The following RPN2 variants were observed in gnomAD, a reference collection of about 807,000 sequenced individuals.
RPN2 encodes the protein ribophorin II, also known as dolichyl-diphosphooligosaccharide--protein glycosyltransferase subunit 2.
In RPN2, 29 loss-of-function variants were observed where a neutral mutation model predicts 71.4. That is an observed-to-expected ratio of 0.41 (90% CI 0.30 to 0.55). The LOEUF is 0.55. Ranked by LOEUF, RPN2 falls within the 20% of genes least tolerant of loss-of-function variation. The pLI is 0.35. For missense variants in RPN2, 726 were observed against 774.1 expected (o/e 0.94, Z 0.74); for synonymous variants, 308 against 305.0 (o/e 1.01, Z -0.10).
chr20:37,198,585 A>G (rs2067308516), intron 3 of RPN2, 93 bp downstream of exon 3: 4 of 1,577,870 alleles, frequency 2.5e-6, no homozygotes, highest in South Asian at 1.1e-5. Context: ...TTTTTTAATT[A>G]TGAGAGTCCA....
At position 37,236,720 on chromosome 20, in the gene RPN2, A is replaced by C; in HGVS notation, c.1883+11A>C. 1 of 1,613,880 alleles carries C rather than the reference A, an allele frequency of 6.2e-7. No individual in the cohort carries two copies. Among genetic ancestry groups the C allele is most frequent in the Non-Finnish European group, 8.5e-7 (1 of 1,179,778 alleles). On this transcript the variant is annotated intron_variant, in intron 16 of 16. Transcript: ENST00000237530. ...GCAGGCAGTCAAGAGGTAAGGCCAG[A>C]CATGAGCCAGGGATCTAGAGTAGGG...
intron 14 of RPN2, 24 bp downstream of exon 14, chr20:37,232,415 G>A (rs772699979): frequency 1.1e-5 from 18 of 1,613,384 alleles, no homozygotes; most frequent in Admixed American, 1.7e-5. Flanking sequence ...ATTAGCGTGG[G>A]CAGCATGCGT....
Position 37,184,210 on chromosome 20 carries a change from C to T in RPN2, c.44C>T (p.Thr15Ile), listed in dbSNP as rs1250796822. Residue 15 changes from threonine to isoleucine, a missense_variant, in exon 2 of 17, where the codon ACA becomes ATA. Transcript: ENST00000237530. ...AGCACTGTCTTCCTGTTGGCCCTGA[C>T]AATCATAGCCAGCACCTGGGCTCTG... ...GSSTVFLLAL[T>I]IIASTWALTP... is the part of the protein sequence containing the mutation. The T allele has an allele frequency of 2.5e-6, 4 of 1,614,200 alleles. 1 individual carries two copies. The highest frequency in any genetic ancestry group is 2.2e-5 in the South Asian group (2 of 91,088).
intron 4 of RPN2, among the ~76,000 whole-genome samples, chr20:37,202,121 C>T (rs1442291253): frequency 2.0e-5 from 3 of 152,232 alleles, no homozygotes; most frequent in Admixed American, 1.3e-4. Flanking sequence ...CAGCACGGCA[C>T]TCTCTCATTC....
At chr20:37,188,443 G>A (rs973560504) in intron 2 of RPN2, among the ~76,000 whole-genome samples, 11 of 151,910 alleles carry the variant, frequency 7.2e-5, no homozygotes, top group Admixed American at 5.9e-4. Flanking sequence ...GTGAGCCACC[G>A]CGCCCGGCCC....
At chr20:37,236,535 C>T (rs1437647078) in intron 15 of RPN2, 45 bp from the exon 16 acceptor site, 4 of 1,610,240 alleles carry the variant, frequency 2.5e-6, no homozygotes, top group African/African-American at 2.7e-5. Flanking sequence ...CGCAGGGCAT[C>T]ATTATGTTTC....
chr20:37,222,511 A>AG (rs2146657514), intron 9 of RPN2, among the ~76,000 whole-genome samples: 1 of 152,322 alleles, frequency 6.6e-6, no homozygotes, highest in Admixed American at 6.5e-5. Context: ...ATTACTTGAT[A>AG]GGTATCTTTA....
chr20:37,186,221 A>G (rs2067006376), intron 2 of RPN2, among the ~76,000 whole-genome samples: 1 of 152,200 alleles, frequency 6.6e-6, no homozygotes, highest in Non-Finnish European at 1.5e-5. Flanking sequence ...AGGTCAGCTG[A>G]CTTGGGGCTT....
Position 37,198,459 on chromosome 20 carries a change from T to A in RPN2, c.270T>A (p.Ala90=), listed in dbSNP as rs1411451565. 6.2e-7 allele frequency: 1 copy of A among 1,614,246 alleles called. No individual in the cohort carries two copies. Among genetic ancestry groups the A allele is most frequent in the South Asian group, 1.1e-5 (1 of 91,086 alleles). Reference sequence around the variant, plus strand: ...GCAATGTGGATTCCCTCTTCTACGCTGCCCAGGCCAGCCAGGCCCTCTCAG... The same window carrying A: ...GCAATGTGGATTCCCTCTTCTACGCAGCCCAGGCCAGCCAGGCCCTCTCAG... The part of the protein sequence containing the change: ...DPSNVDSLFY[A]AQASQALSGC... The change falls in exon 3 of 17, where the codon GCT becomes GCA. Residue 90 remains alanine, a synonymous_variant. Transcript: ENST00000237530.
rs1288621827 is a variant in RPN2, at chr20:37,223,737, T to C, written c.1093-141T>C. On this transcript the variant is annotated intron_variant, in intron 9 of 16. Transcript: ENST00000237530. ...AAATATTACTGGGCTGGGTCAGTGTTATTATCATCCTTGAAGACTCTTGTT... is the reference window on the plus strand; with the variant it reads ...AAATATTACTGGGCTGGGTCAGTGTCATTATCATCCTTGAAGACTCTTGTT... 4 of 715,906 alleles carry C rather than the reference T, an allele frequency of 5.6e-6. No individual in the cohort carries two copies. The African/African-American group carries it at 7.1e-5, about 13-fold the overall frequency. 44.3% of individuals were successfully genotyped at this position (715,906 alleles called of 1,614,324 possible).
At chr20:37,215,784 T>A (rs1267612689) in intron 9 of RPN2, among the ~76,000 whole-genome samples, 1 of 152,356 alleles carries the variant, frequency 6.6e-6, no homozygotes, top group East Asian at 1.9e-4. Context: ...CTGATGCATA[T>A]GAAAAGGTAT....
chr20:37,235,567 A>G (rs747356492), intron 15 of RPN2, among the ~76,000 whole-genome samples: 6 of 152,220 alleles, frequency 3.9e-5, no homozygotes, highest in Admixed American at 1.3e-4. Context: ...TCCTAGTCAC[A>G]GTGGCAAATT....
intron 2 of RPN2, among the ~76,000 whole-genome samples, chr20:37,196,893 A>G (rs1003103341): frequency 6.6e-6 from 1 of 152,164 alleles, no homozygotes; most frequent in Admixed American, 6.5e-5. Flanking sequence ...TTGGGCCACT[A>G]GTCACTGGGG....
At chr20:37,202,406 T>G (rs927795410) in intron 4 of RPN2, among the ~76,000 whole-genome samples, 2 of 152,222 alleles carry the variant, frequency 1.3e-5, no homozygotes, top group African/African-American at 4.8e-5. Flanking sequence ...AATTGTTATG[T>G]TCTTGACATA....
chr20:37,200,601 C>A, intron 4 of RPN2: 1 of 470,778 alleles, frequency 2.1e-6, no homozygotes. Context: ...AAACTTAAAG[C>A]TTTGTTAAGG....
intron 2 of RPN2, among the ~76,000 whole-genome samples, chr20:37,197,087 A>T (rs2067272194): frequency 6.6e-6 from 1 of 152,184 alleles, no homozygotes; most frequent in Non-Finnish European, 1.5e-5. Flanking sequence ...GCAGGGTCAA[A>T]CACGTCAAAT....
At chr20:37,202,310 C>T (rs1448049128) in intron 4 of RPN2, among the ~76,000 whole-genome samples, 3 of 152,198 alleles carry the variant, frequency 2.0e-5, no homozygotes, top group Admixed American at 1.3e-4. Flanking sequence ...GTTGAATACT[C>T]TGGGGCTTGT....
At chr20:37,227,618 C>T (rs578026559) in intron 11 of RPN2, among the ~76,000 whole-genome samples, 1 of 152,208 alleles carries the variant, frequency 6.6e-6, no homozygotes, top group African/African-American at 2.4e-5. Context: ...AGATACAGTG[C>T]TGGCTCTGTC....
At chr20:37,230,119 A>T (rs924624434) in intron 13 of RPN2, 60 bp downstream of exon 13, 3 of 1,241,156 alleles carry the variant, frequency 2.4e-6, no homozygotes, top group Non-Finnish European at 3.6e-6. Context: ...AAAGCCCTGG[A>T]CAGTGGCTCT....
Sources: gnomAD v4.1 joint callset for allele counts (sites outside exome capture counted in the v4.1 genomes callset) on GRCh38, gnomAD v4.1.1 for gene constraint, MANE v1.5 for transcripts, NCBI Gene and HGNC (gene_info 2026-07-23, HGNC 2026-07-21) for gene names.